PON2: variants seen among roughly 807,000 people sequenced by gnomAD.
PON2 encodes the protein serum paraoxonase/arylesterase 2.
Under a neutral mutation model 36.6 loss-of-function variants are expected in PON2, and 27 were observed. The ratio of observed to expected loss-of-function variants is 0.74; its 90% CI spans 0.54 to 1.02. The LOEUF (loss-of-function observed/expected upper bound fraction) is 1.02, where lower values mean the gene tolerates loss of function less well. Ranked by LOEUF, PON2 falls within the 50% of genes least tolerant of loss-of-function variation. PON2 has a pLI of 0.00. For missense variants in PON2, 363 were observed against 421.1 expected (o/e 0.86, Z 1.21); for synonymous variants, 149 against 156.3 (o/e 0.95, Z 0.35).
chr7:95,414,039 T>A (rs1204820887), intron 3 of PON2, among the ~76,000 whole-genome samples: 2 of 152,236 alleles, frequency 1.3e-5, no homozygotes, highest in African/African-American at 4.8e-5. Context: ...TTTTCTCTTT[T>A]TAAAAATTTA....
At chr7:95,424,363 A>C in intron 2 of PON2, 152 bp downstream of exon 2, 1 of 670,376 alleles carries the variant, frequency 1.5e-6, no homozygotes, top group South Asian at 1.7e-5. Flanking sequence ...AGGGTTCATC[A>C]GATCAAGAGG....
intron 1 of PON2, among the ~76,000 whole-genome samples, chr7:95,426,854 C>CA (rs1789328933): frequency 6.6e-6 from 1 of 152,144 alleles, no homozygotes; most frequent in East Asian, 1.9e-4. Context: ...TTTGACTATA[C>CA]AAAAATAGGG....
chr7:95,407,138 A>G (rs1320336025), intron 6 of PON2, 70 bp from the exon 7 acceptor site: 19 of 971,778 alleles, frequency 2.0e-5, no homozygotes, highest in Middle Eastern at 4.2e-4. Flanking sequence ...GTGTGAAAGA[A>G]TAAGTCTTAA....
At chr7:95,433,818 C>T (rs779195014) in intron 1 of PON2, among the ~76,000 whole-genome samples, 1 of 152,200 alleles carries the variant, frequency 6.6e-6, no homozygotes, top group Non-Finnish European at 1.5e-5. Context: ...AAGGTCAGGT[C>T]GAATGTCTCT....
chr7:95,429,157 A>G (rs1045661619), intron 1 of PON2, among the ~76,000 whole-genome samples: 1 of 151,434 alleles, frequency 6.6e-6, no homozygotes, highest in Non-Finnish European at 1.5e-5. Context: ...TACATTAGGT[A>G]TATCTCCTAA....
At chr7:95,430,243 T>A (rs1442284215) in intron 1 of PON2, among the ~76,000 whole-genome samples, 1 of 151,900 alleles carries the variant, frequency 6.6e-6, no homozygotes, top group Non-Finnish European at 1.5e-5. Context: ...TGCGGTAGGA[T>A]CACTTATGGC....
chr7:95,405,452 T>C lies in PON2; in HGVS notation c.943A>G (p.Thr315Ala), dbSNP rs1203906898. The C allele has an allele frequency of 6.2e-7, 1 of 1,613,498 alleles. No individual in the cohort carries two copies. The highest frequency in any genetic ancestry group is 8.5e-7 in the Non-Finnish European group (1 of 1,179,568). The change falls in exon 9 of 9, where the codon ACA (threonine) becomes GCA (alanine). Residue 315 changes from threonine to alanine, a missense_variant. Coordinates refer to ENST00000222572, the MANE Select transcript of PON2 (RefSeq NM_000305.3). ...RIQNILSEKP[T>A]VTTVYANNGS... ...TTGTTGGCATAAACTGTAGTCACTG[T>C]AGGCTTCTCAGATAGAATGTTCTGG... is the stretch of plus-strand genomic sequence containing the variant.
At chr7:95,425,929 G>A (rs17876080) in intron 1 of PON2, among the ~76,000 whole-genome samples, 2,724 of 151,860 alleles carry the variant, frequency 0.018, 64 homozygotes, top group African/African-American at 0.044. Flanking sequence ...TTTTAAATAA[G>A]GCATTAAAAA....
chr7:95,415,009 T>C (rs1789029618), intron 3 of PON2: 1 of 152,138 alleles, frequency 6.6e-6, no homozygotes, highest in Admixed American at 6.5e-5. Context: ...CCAACCTGAG[T>C]TCTCTCACCT....
chr7:95,412,581 G>C, intron 3 of PON2, 104 bp from the exon 4 acceptor site: 1 of 1,239,706 alleles, frequency 8.1e-7, no homozygotes. Flanking sequence ...GGTTAAAGTA[G>C]TGGCATAAAG....
At chr7:95,411,081 G>A (rs1023701266) in intron 5 of PON2, among the ~76,000 whole-genome samples, 6 of 152,006 alleles carry the variant, frequency 3.9e-5, no homozygotes, top group African/African-American at 1.5e-4. Context: ...CTGGGGGTGG[G>A]GGTACACATG....
At chr7:95,432,612 C>A (rs182838864) in intron 1 of PON2, among the ~76,000 whole-genome samples, 39 of 152,138 alleles carry the variant, frequency 2.6e-4, no homozygotes, top group Non-Finnish European at 4.4e-5. Flanking sequence ...GTGGCTTACA[C>A]ATTAGTGACA....
intron 7 of PON2, 128 bp downstream of exon 7, chr7:95,406,859 G>C: frequency 1.6e-6 from 1 of 614,102 alleles, no homozygotes; most frequent in South Asian, 2.1e-5. Context: ...GTTGTAGGGA[G>C]TATTTAAAAA....
chr7:95,416,183 C>T (rs533407508), intron 3 of PON2, 59 bp downstream of exon 3: 8 of 1,610,818 alleles, frequency 5.0e-6, no homozygotes, highest in Admixed American at 1.7e-5. Context: ...GTTCTGCAGC[C>T]CTCATCAAAT....
At chr7:95,405,979 C>T (rs571404902) in intron 8 of PON2, 140 bp downstream of exon 8, 14 of 920,240 alleles carry the variant, frequency 1.5e-5, no homozygotes, top group African/African-American at 3.4e-5. Flanking sequence ...ATTGGCTTAA[C>T]GCAATTACAA....
rs1809653430 is a variant in PON2 at position 95,405,410 on chromosome 7, C to T, written c.985G>A (p.Gly329Arg). The T allele has an allele frequency of 2.5e-6, 4 of 1,613,846 alleles. No homozygotes were observed. In the African/African-American group the frequency reaches 4.0e-5, roughly 16 times the overall value. ...TCATACACTGAGGCTACAGAACTTC[C>T]TTGGAGAACAGACCCATTGTTGGCA... is the stretch of plus-strand genomic sequence containing the variant. ...VYANNGSVLQ[G>R]SSVASVYDGK... The change falls in exon 9 of 9, where the codon GGA becomes AGA. Residue 329 changes from glycine (G) to arginine (R), a missense_variant. Gly to Arg is a moderately radical substitution (Grantham distance 125, BLOSUM62 -2). Coordinates refer to ENST00000222572, the MANE Select transcript of PON2 (RefSeq NM_000305.3).
rs914252848 is a variant in PON2, at chr7:95,425,123, A to C, written c.75-538T>G. On this transcript the variant is annotated intron_variant, in intron 1 of 8. Coordinates refer to ENST00000222572, the MANE Select transcript of PON2 (RefSeq NM_000305.3). ...AGCATCCCTATGACAGTATTTTTTTAAATAAGAATGTATTTATCTTATTTC... is the reference window on the plus strand; with the variant it reads ...AGCATCCCTATGACAGTATTTTTTTCAATAAGAATGTATTTATCTTATTTC... 1.2e-4 allele frequency among the ~76,000 whole-genome samples: 19 copies of C among 152,200 alleles called. 1 individual carries two copies. The highest frequency in any genetic ancestry group is 6.5e-5 in the Admixed American group (1 of 15,278).
intron 6 of PON2, among the ~76,000 whole-genome samples, chr7:95,408,878 CTGTT>C (rs5885909): frequency 0.26 from 39,181 of 151,878 alleles, 5,422 homozygotes; most frequent in South Asian, 0.36. Context: ...AAGAATCACA[CTGTT>C]TGAGCAAATA....
At position 95,434,714 on chromosome 7, in the gene PON2, G is replaced by A. The variant is rs17876184; in HGVS notation, c.74+164C>T. Among the ~76,000 whole-genome samples, 1,380 of 152,248 alleles carry A rather than the reference G, an allele frequency of 9.1e-3. 11 individuals are homozygous for A. The highest frequency in any genetic ancestry group is 0.013 in the Non-Finnish European group (898 of 68,002). On this transcript the variant is annotated intron_variant, in intron 1 of 8. Transcript: ENST00000222572. ...TAGAAGCGGAGAGTCGGGGTGATGG[G>A]GGTTCAACTAGCTGGGGGAGGGACA...
Sources: allele counts gnomAD v4.1 joint callset (sites outside exome capture counted in the v4.1 genomes callset), GRCh38; gene constraint gnomAD v4.1.1; transcripts MANE v1.5; gene names NCBI Gene and HGNC (gene_info 2026-07-23, HGNC 2026-07-21).